The following NTN3 variants were observed in gnomAD, a reference collection of about 807,000 sequenced individuals.
NTN3 encodes the protein netrin-3.
NTN3 carries 44 observed loss-of-function variants against 37.2 expected under a neutral mutation model. That is an observed-to-expected ratio of 1.18 (90% CI 0.93 to 1.52). The LOEUF (loss-of-function observed/expected upper bound fraction) is 1.52, where lower values mean the gene tolerates loss of function less well. Among genes scored for constraint, NTN3 ranks in the 40% most tolerant of loss-of-function variants. The probability of loss-of-function intolerance (pLI) is 0.00; values close to 1 mark genes in which losing one functional copy is unlikely to be tolerated. For synonymous variants in NTN3, 385 were observed against 376.0 expected, an observed-to-expected ratio of 1.02 and a Z score of -0.28; for missense variants, 882 against 857.3, an observed-to-expected ratio of 1.03 and a Z score of -0.36.
chr16:2,473,595 C>T, intron 5 of NTN3, 92 bp downstream of exon 5: 2 of 1,397,952 alleles, frequency 1.4e-6, no homozygotes, highest in East Asian at 2.3e-5. Context: ...ACGCCTTGAC[C>T]CTTGCTGGGC....
Position 2,472,534 on chromosome 16 carries a change from A to G in NTN3, c.833A>G (p.His278Arg). 1.2e-6 allele frequency: 2 copies of G among 1,606,682 alleles called. No individual in the cohort carries two copies. The change falls in exon 1 of 6, where the codon CAT becomes CGT. Residue 278 changes from histidine (H) to arginine (R), a missense_variant. By Grantham distance (29) the His-to-Arg change is conservative (BLOSUM62 0). Coordinates refer to ENST00000293973, the MANE Select transcript of NTN3 (RefSeq NM_006181.3). ...GGCCACCTGATCTGCGACTGTCGGC[A>G]TGGCACCGAGGGCCCTGACTGCGGC... ...TQGHLICDCRHGTEGPDCGRC... is the reference protein window; with the variant it reads ...TQGHLICDCRRGTEGPDCGRC...
Position 2,471,707 on chromosome 16 carries a change from TG to T in NTN3, c.8del (p.Gly3AlafsTer8). The stretch of plus-strand genomic sequence containing the variant: ...GACCCGCAGCGGCTCCGGCCATGCC[TG>T]GCTGGCCCTGGGGGCTGCTGCTGAC... MPGWPWGLLLTAG... is the reference protein window; with the variant it reads MPXWPWGLLLTAG... On this transcript the variant is annotated frameshift_variant, in exon 1 of 6. Coordinates refer to ENST00000293973, the MANE Select transcript of NTN3 (RefSeq NM_006181.3). LOFTEE classifies it high-confidence loss of function. 1 of 1,343,888 alleles carries T rather than the reference TG, an allele frequency of 7.4e-7. No individual in the cohort carries two copies. Among genetic ancestry groups the T allele is most frequent in the Non-Finnish European group, 9.5e-7 (1 of 1,054,106 alleles). The allele number at this position is 1,343,888 out of a possible 1,614,324, so 83.2% of individuals were successfully genotyped here.
Position 2,474,075 on chromosome 16 carries a change from C to T in NTN3, c.1713C>T (p.Arg571=). The T allele has an allele frequency of 8.3e-7, 1 of 1,209,088 alleles. No individual in the cohort carries two copies. The highest frequency in any genetic ancestry group is 4.1e-5 in the South Asian group (1 of 24,238). 74.9% of individuals were successfully genotyped at this position (1,209,088 alleles called of 1,614,324 possible). A position where few individuals can be genotyped will look rare whatever the true frequency, so the allele number is the denominator to read the frequency against. Residue 571 remains arginine (R), a synonymous_variant, in exon 6 of 6, where the codon CGC becomes CGT. Coordinates refer to ENST00000293973, the MANE Select transcript of NTN3 (RefSeq NM_006181.3). The part of the protein sequence containing the change: ...WTRRLRRLQR[R]ERRGRCSAA ...GGCGCCTGCGGAGGCTGCAGCGACG[C>T]GAACGGCGGGGGCGCTGCAGCGCCG...
chr16:2,473,654 C>G lies in NTN3; in HGVS notation c.1394-102C>G. 2.4e-6 allele frequency: 3 copies of G among 1,253,102 alleles called. No homozygotes were observed. The African/African-American group carries it at 4.5e-5, about 19-fold the overall frequency. The allele number at this position is 1,253,102 out of a possible 1,614,324, so 77.6% of individuals were successfully genotyped here. A position where few individuals can be genotyped will look rare whatever the true frequency, so the allele number is the denominator to read the frequency against. On this transcript the variant is annotated intron_variant, in intron 5 of 5. Coordinates refer to ENST00000293973, the MANE Select transcript of NTN3 (RefSeq NM_006181.3). The stretch of plus-strand genomic sequence containing the variant: ...AGGTCCTCCACGGGCAGCGACCCCG[C>G]CCCTTCAGCCCCCACTGCCCTCCTG...
At position 2,471,962 on chromosome 16, in the gene NTN3, G is replaced by T; in HGVS notation, c.261G>T (p.Thr87=). ...CCCTCCTTACTTCCCCAGGGGGCAC[G>T]GCCAGCCCTCTGTGCTGGCGCTCGG... is the stretch of plus-strand genomic sequence containing the variant. ...SPALLTSPGG[T]ASPLCWRSES... Residue 87 remains threonine (T), a synonymous_variant, in exon 1 of 6, where the codon ACG becomes ACT. Transcript: ENST00000293973. The T allele has an allele frequency of 6.3e-7, 1 of 1,580,430 alleles. No individual in the cohort carries two copies. Among genetic ancestry groups the T allele is most frequent in the South Asian group, 1.1e-5 (1 of 88,646 alleles).
Position 2,472,995 on chromosome 16 carries a change from T to A in NTN3, c.1128T>A (p.Cys376Ter). Residue 376 changes from cysteine (C) to a stop codon, truncating the protein, a stop_gained, in exon 3 of 6, where the codon TGT (cysteine) becomes TGA (stop). Transcript: ENST00000293973. LOFTEE classifies it high-confidence loss of function. ...SDRRACRACD[C>*]HPVGAAGKTC... is the part of the protein sequence containing the mutation. The stretch of plus-strand genomic sequence containing the variant: ...CACCTCTGTCCTCAGCCTGCGACTG[T>A]CACCCGGTTGGTGCTGCTGGCAAGA... 1.2e-6 allele frequency: 2 copies of A among 1,602,920 alleles called. No individual in the cohort carries two copies. Among genetic ancestry groups the A allele is most frequent in the Non-Finnish European group, 1.7e-6 (2 of 1,173,914 alleles).
At position 2,471,874 on chromosome 16, in the gene NTN3, C is replaced by T. The variant is rs1366082258; in HGVS notation, c.173C>T (p.Thr58Met). Residue 58 changes from threonine (T) to methionine (M), a missense_variant, in exon 1 of 6, where the codon ACG becomes ATG. Transcript: ENST00000293973. The part of the protein sequence containing the change: ...ALGREVLASS[T>M]CGRPATRACD... Reference sequence around the variant, plus strand: ...GGCCGCGAGGTGCTGGCTTCCAGCACGTGCGGGCGGCCGGCCACTCGGGCC... The same window carrying T: ...GGCCGCGAGGTGCTGGCTTCCAGCATGTGCGGGCGGCCGGCCACTCGGGCC... The T allele has an allele frequency of 2.0e-6, 3 of 1,470,460 alleles. No individual in the cohort carries two copies. The highest frequency in any genetic ancestry group is 4.6e-5 in the Admixed American group (2 of 43,778). The allele number at this position is 1,470,460 out of a possible 1,614,324, so 91.1% of individuals were successfully genotyped here. A position where few individuals can be genotyped will look rare whatever the true frequency, so the allele number is the denominator to read the frequency against.
chr16:2,473,690 C>G (rs1463696725), intron 5 of NTN3, 66 bp from the exon 6 acceptor site: 8 of 1,369,516 alleles, frequency 5.8e-6, no homozygotes, highest in Middle Eastern at 2.6e-4. Context: ...GTGTCCTCCC[C>G]GTGCCTCCCC....
rs971671576 is a variant in NTN3 at position 2,471,530 on chromosome 16, G to T, written c.-172G>T. 2.3e-6 allele frequency: 1 copy of T among 426,834 alleles called. No homozygotes were observed. The highest frequency in any genetic ancestry group is 4.0e-6 in the Non-Finnish European group (1 of 247,804). 26.4% of individuals were successfully genotyped at this position (426,834 alleles called of 1,614,324 possible). On this transcript the variant is annotated 5_prime_UTR_variant, in exon 1 of 6. Coordinates refer to ENST00000293973, the MANE Select transcript of NTN3 (RefSeq NM_006181.3). Reference sequence around the variant, plus strand: ...GCGCCAACATCCCCGCTGCTGTGCTGGGCCCGGGGCGTGCCCGCCGCTGCT... The same window carrying T: ...GCGCCAACATCCCCGCTGCTGTGCTTGGCCCGGGGCGTGCCCGCCGCTGCT...
chr16:2,471,790 G>A lies in NTN3; in HGVS notation c.89G>A (p.Cys30Tyr), dbSNP rs1199664026. The change falls in exon 1 of 6, where the codon TGC becomes TAC. Residue 30 changes from cysteine (C) to tyrosine (Y), a missense_variant. By Grantham distance (194) the Cys-to-Tyr change is radical. Coordinates refer to ENST00000293973, the MANE Select transcript of NTN3 (RefSeq NM_006181.3). The stretch of plus-strand genomic sequence containing the variant: ...GGGCCGCCGGCGCCCGCCGACCCCT[G>A]CCACGATGAGGGGGGTGCGCCCCGC... ...SPGPPAPADP[C>Y]HDEGGAPRGC... is the part of the protein sequence containing the mutation. 4.3e-6 allele frequency: 6 copies of A among 1,387,204 alleles called. No individual in the cohort carries two copies. Among genetic ancestry groups the A allele is most frequent in the African/African-American group, 3.1e-5 (2 of 65,558 alleles). 85.9% of individuals were successfully genotyped at this position (1,387,204 alleles called of 1,614,324 possible). A position where few individuals can be genotyped will look rare whatever the true frequency, so the allele number is the denominator to read the frequency against.
rs571696463 is a variant in NTN3, at chr16:2,471,922, G to C, written c.221G>C (p.Arg74Pro). The change falls in exon 1 of 6, where the codon CGG becomes CCG. Residue 74 changes from arginine to proline, a missense_variant. Transcript: ENST00000293973. ...TRACDASDPR[R>P]AHSPALLTSP... ...GCCTGCGACGCCTCCGACCCGCGAC[G>C]GGCACACTCCCCCGCCCTCCTTACT... The C allele has an allele frequency of 6.3e-4, 971 of 1,544,560 alleles. 1 individual carries two copies. The highest frequency in any genetic ancestry group is 8.0e-4 in the Non-Finnish European group (923 of 1,153,086).
At position 2,472,135 on chromosome 16, in the gene NTN3, C is replaced by A. The variant is rs2065525006; in HGVS notation, c.434C>A (p.Ala145Asp). 1 of 1,608,128 alleles carries A rather than the reference C, an allele frequency of 6.2e-7. No individual in the cohort carries two copies. The highest frequency in any genetic ancestry group is 8.5e-7 in the Non-Finnish European group (1 of 1,179,394). The part of the protein sequence containing the change: ...LKSQDHGRSW[A>D]PLGFFSSHCD... The stretch of plus-strand genomic sequence containing the variant: ...TCTCAGGACCATGGCCGCAGCTGGG[C>A]CCCGCTGGGCTTCTTCTCCTCCCAC... The change falls in exon 1 of 6, where the codon GCC becomes GAC. Residue 145 changes from alanine (A) to aspartate (D), a missense_variant. Transcript: ENST00000293973.
Position 2,472,694 on chromosome 16 carries a change from C to A in NTN3, c.929-7C>A, listed in dbSNP as rs902165947. The A allele has an allele frequency of 2.5e-6, 4 of 1,609,004 alleles. No homozygotes were observed. The Admixed American group carries it at 6.7e-5, about 27-fold the overall frequency. ...CCAGCCTGCCCCTGACCCATCCCTC[C>A]CTGCAGCTTGCTCCTGCAACGGCCA... On this transcript the variant is annotated splice_polypyrimidine_tract_variant and splice_region_variant and intron_variant, in intron 1 of 5. Transcript: ENST00000293973.
chr16:2,471,626 C>G lies in NTN3; in HGVS notation c.-76C>G. On this transcript the variant is annotated 5_prime_UTR_variant, in exon 1 of 6. Coordinates refer to ENST00000293973, the MANE Select transcript of NTN3 (RefSeq NM_006181.3). Reference sequence around the variant, plus strand: ...GGCATTGCGGGCCTGGTGGGCAGAGCCGCGGAGAGGGCTTCTTTTCCCCAA... The same window carrying G: ...GGCATTGCGGGCCTGGTGGGCAGAGGCGCGGAGAGGGCTTCTTTTCCCCAA... 8.8e-7 allele frequency: 1 copy of G among 1,134,252 alleles called. No homozygotes were observed. The highest frequency in any genetic ancestry group is 2.5e-5 in the South Asian group (1 of 39,820). The allele number at this position is 1,134,252 out of a possible 1,614,324, so 70.3% of individuals were successfully genotyped here. A position where few individuals can be genotyped will look rare whatever the true frequency, so the allele number is the denominator to read the frequency against.
In NTN3 at chr16:2,472,364, T is replaced by C. The variant is rs1254056818; in HGVS notation, c.663T>C (p.Arg221=). 1 of 1,612,482 alleles carries C rather than the reference T, an allele frequency of 6.2e-7. No homozygotes were observed. The highest frequency in any genetic ancestry group is 1.7e-5 in the Admixed American group (1 of 59,996). ...LQDWVTATDV[R]VVLTRPSTAG... Reference sequence around the variant, plus strand: ...ACTGGGTGACCGCCACCGACGTCCGTGTAGTGCTCACAAGGCCTAGCACGG... The same window carrying C: ...ACTGGGTGACCGCCACCGACGTCCGCGTAGTGCTCACAAGGCCTAGCACGG... Residue 221 remains arginine (R), a synonymous_variant, in exon 1 of 6, where the codon CGT becomes CGC. Coordinates refer to ENST00000293973, the MANE Select transcript of NTN3 (RefSeq NM_006181.3).
At position 2,473,782 on chromosome 16, in the gene NTN3, G is replaced by C. The variant is rs1311572203; in HGVS notation, c.1420G>C (p.Gly474Arg). ...GGTGCAGGTGGCGGTGGGTGCGCGC[G>C]GCGAGGCGCGCGGCGCGTGGACACG... ...YAVQVAVGAR[G>R]EARGAWTRFP... The change falls in exon 6 of 6, where the codon GGC becomes CGC. Residue 474 changes from glycine to arginine, a missense_variant. By Grantham distance (125) the Gly-to-Arg change is moderately radical. Coordinates refer to ENST00000293973, the MANE Select transcript of NTN3 (RefSeq NM_006181.3). The C allele has an allele frequency of 7.2e-7, 1 of 1,385,666 alleles. No homozygotes were observed. Among genetic ancestry groups the C allele is most frequent in the Non-Finnish European group, 9.3e-7 (1 of 1,078,878 alleles). 85.8% of individuals were successfully genotyped at this position (1,385,666 alleles called of 1,614,324 possible).
Position 2,473,985 on chromosome 16 carries a change from C to T in NTN3, c.1623C>T (p.Gly541=), listed in dbSNP as rs1368129920. Residue 541 remains glycine, a synonymous_variant, in exon 6 of 6, where the codon GGC becomes GGT. Coordinates refer to ENST00000293973, the MANE Select transcript of NTN3 (RefSeq NM_006181.3). ...GAGCCGCGGCTGGGGGCGCGGGGGG[C>T]CGGGGGCCCGGGCTCATCGCCGCCC... The part of the protein sequence containing the change: ...GPGAAAGGAG[G]RGPGLIAARG... 2.6e-6 allele frequency: 3 copies of T among 1,167,772 alleles called. No homozygotes were observed. Among genetic ancestry groups the T allele is most frequent in the African/African-American group, 3.2e-5 (2 of 61,900 alleles). The allele number at this position is 1,167,772 out of a possible 1,614,324, so 72.3% of individuals were successfully genotyped here. A position where few individuals can be genotyped will look rare whatever the true frequency, so the allele number is the denominator to read the frequency against.
intron 5 of NTN3, 36 bp from the exon 6 acceptor site, chr16:2,473,720 C>A (rs1363105922): frequency 1.4e-6 from 2 of 1,423,144 alleles, no homozygotes; most frequent in South Asian, 3.0e-5. Context: ...GCAGGCCGCC[C>A]CTTCCTGACC....
chr16:2,472,620 G>A lies in NTN3; in HGVS notation c.919G>A (p.Ala307Thr), dbSNP rs746832069. The change falls in exon 1 of 6, where the codon GCC becomes ACC. Residue 307 changes from alanine (A) to threonine (T), a missense_variant. Physicochemically the swap from Ala to Thr is moderately conservative, Grantham distance 58. Transcript: ENST00000293973. ...GCGGGCCACTGCCCGGGAATCCCAC[G>A]CCTGCCTCGGTGAGGCCTTGGAGGG... is the stretch of plus-strand genomic sequence containing the variant. ...WQRATARESH[A>T]CLACSCNGHA... 3.1e-6 allele frequency: 5 copies of A among 1,595,320 alleles called. No individual in the cohort carries two copies. The highest frequency in any genetic ancestry group is 2.2e-5 in the East Asian group (1 of 44,450).
Sources: gnomAD v4.1 joint callset for allele counts on GRCh38, gnomAD v4.1.1 for gene constraint, MANE v1.5 for transcripts, NCBI Gene and HGNC (gene_info 2026-07-23, HGNC 2026-07-21) for gene names.